The following OSBPL6 variants were observed in gnomAD, a reference collection of about 807,000 sequenced individuals.
OSBPL6 encodes oxysterol-binding protein-related protein 6.
OSBPL6 carries 49 observed loss-of-function variants against 125.8 expected under a neutral mutation model. The observed-to-expected ratio is 0.39, with a 90% CI of 0.31 to 0.49. The LOEUF (loss-of-function observed/expected upper bound fraction) is 0.49. OSBPL6 is among the 20% of genes least tolerant of loss of function. OSBPL6 has a pLI of 0.88. For missense variants in OSBPL6, 986 were observed against 1,135.4 expected (o/e 0.87, Z 1.89); for synonymous variants, 394 against 391.8 (o/e 1.01, Z -0.07).
chr2:178,351,562 T>A (rs1051105774), intron 12 of OSBPL6, among the ~76,000 whole-genome samples: 2 of 152,012 alleles, frequency 1.3e-5, no homozygotes, highest in African/African-American at 4.8e-5. Context: ...ATAAAAAAAA[T>A]TGGTGAAAGA....
intron 13 of OSBPL6, among the ~76,000 whole-genome samples, 188 bp downstream of exon 13, chr2:178,362,003 A>G (rs1184531741): frequency 2.6e-5 from 4 of 152,212 alleles, no homozygotes; most frequent in Non-Finnish European, 5.9e-5. Flanking sequence ...ATTTCAAGGT[A>G]AGAGTGAAAA....
chr2:178,318,974 C>T (rs1258657298), intron 3 of OSBPL6, among the ~76,000 whole-genome samples: 1 of 152,208 alleles, frequency 6.6e-6, no homozygotes, highest in Non-Finnish European at 1.5e-5. Context: ...TGGATGCCTA[C>T]CCTGTGACTT....
At chr2:178,358,529 G>C (rs1440048741) in intron 12 of OSBPL6, among the ~76,000 whole-genome samples, 1 of 152,088 alleles carries the variant, frequency 6.6e-6, no homozygotes, top group Non-Finnish European at 1.5e-5. Context: ...AAGATGCTAA[G>C]AAAACCAGAT....
At chr2:178,359,184 A>G (rs1692096048) in intron 12 of OSBPL6, among the ~76,000 whole-genome samples, 2 of 152,212 alleles carry the variant, frequency 1.3e-5, no homozygotes, top group South Asian at 4.1e-4. Flanking sequence ...TCATAAAAAA[A>G]TTAAATAAAT....
chr2:178,290,117 G>A (rs1256756501), intron 2 of OSBPL6, among the ~76,000 whole-genome samples: 1 of 152,106 alleles, frequency 6.6e-6, no homozygotes, highest in Non-Finnish European at 1.5e-5. Flanking sequence ...GTCATTAGGG[G>A]TTATAAAAAT....
At chr2:178,302,889 T>C (rs1686424006) in intron 2 of OSBPL6, among the ~76,000 whole-genome samples, 1 of 152,208 alleles carries the variant, frequency 6.6e-6, no homozygotes. Context: ...TGGATTTCAG[T>C]TTAATGAGTT....
At chr2:178,269,148 C>T (rs759109304) in intron 1 of OSBPL6, among the ~76,000 whole-genome samples, 13 of 152,246 alleles carry the variant, frequency 8.5e-5, no homozygotes, top group Middle Eastern at 3.4e-3. Context: ...ATAAAGGATA[C>T]AGTTGAGGAA....
At chr2:178,257,761 G>C (rs2091931014) in intron 1 of OSBPL6, among the ~76,000 whole-genome samples, 2 of 151,962 alleles carry the variant, frequency 1.3e-5, no homozygotes, top group South Asian at 4.1e-4. Context: ...ATGGTGGAGA[G>C]GGAACTAAAG....
At chr2:178,203,685 A>G (rs1005596168) in intron 1 of OSBPL6, among the ~76,000 whole-genome samples, 8 of 152,136 alleles carry the variant, frequency 5.3e-5, no homozygotes, top group African/African-American at 7.2e-5. Flanking sequence ...CATTCCTGTA[A>G]ATGTTCTTGA....
chr2:178,253,977 G>A (rs2091789976), intron 1 of OSBPL6, among the ~76,000 whole-genome samples: 1 of 152,194 alleles, frequency 6.6e-6, no homozygotes, highest in Admixed American at 6.5e-5. Context: ...AGCACATGCA[G>A]CTCCCTTGCT....
At chr2:178,259,314 T>C (rs1024978319) in intron 1 of OSBPL6, among the ~76,000 whole-genome samples, 2 of 152,180 alleles carry the variant, frequency 1.3e-5, no homozygotes, top group African/African-American at 2.4e-5. Flanking sequence ...CCGTTTGAGA[T>C]TGTGCTGACT....
Position 178,372,183 on chromosome 2 carries a change from ATTAT to A in OSBPL6, c.1348_1351del (p.Ile450ValfsTer7). 1 of 1,613,314 alleles carries A rather than the reference ATTAT, an allele frequency of 6.2e-7. No individual in the cohort carries two copies. Among genetic ancestry groups the A allele is most frequent in the South Asian group, 1.1e-5 (1 of 91,024 alleles). ...GTTGAACAGAATACATTCAGAGTCT[ATTAT>A]TTGTGATCAGGTTGTCAGTGTAAAT... On this transcript the variant is annotated frameshift_variant, in exon 14 of 25. Transcript: ENST00000190611. LOFTEE classifies it high-confidence loss of function.
At chr2:178,223,927 T>G (rs2090444660) in intron 1 of OSBPL6, among the ~76,000 whole-genome samples, 1 of 152,236 alleles carries the variant, frequency 6.6e-6, no homozygotes, top group Non-Finnish European at 1.5e-5. Flanking sequence ...AGTGTGACCT[T>G]CACATCAGGC....
At chr2:178,212,330 G>C (rs2153956951) in intron 1 of OSBPL6, among the ~76,000 whole-genome samples, 1 of 152,314 alleles carries the variant, frequency 6.6e-6, no homozygotes, top group African/African-American at 2.4e-5. Context: ...TAATTTGTGT[G>C]ATTCTTTTAG....
At chr2:178,347,932 G>A (rs553103920) in intron 11 of OSBPL6, among the ~76,000 whole-genome samples, 1 of 152,276 alleles carries the variant, frequency 6.6e-6, no homozygotes, top group South Asian at 2.1e-4. Context: ...TTCTTCCCCA[G>A]TAAGTCCTGG....
chr2:178,249,033 T>C (rs2091593155), intron 1 of OSBPL6, among the ~76,000 whole-genome samples: 1 of 152,072 alleles, frequency 6.6e-6, no homozygotes, highest in Admixed American at 6.6e-5. Context: ...ACCTCCCCGG[T>C]TCAAGTGATT....
intron 2 of OSBPL6, among the ~76,000 whole-genome samples, chr2:178,301,285 G>A (rs1686256447): frequency 6.6e-6 from 1 of 152,146 alleles, no homozygotes; most frequent in South Asian, 2.1e-4. Context: ...AGACTCTTTT[G>A]TGATAAATCT....
chr2:178,273,587 A>G lies in OSBPL6; in HGVS notation c.-350-11340A>G, dbSNP rs559281582. Among the ~76,000 whole-genome samples the G allele has an allele frequency of 6.6e-5, 10 of 152,326 alleles. No homozygotes were observed. In the South Asian group the frequency reaches 2.1e-3, roughly 32 times the overall value. On this transcript the variant is annotated intron_variant, in intron 1 of 24. Coordinates refer to ENST00000190611, the MANE Select transcript of OSBPL6 (RefSeq NM_032523.4). ...AAAGTGATACCCCGTCTCAAAAAAAAAGTAAACAAGTAAATTAAAAGTATT... is the reference window on the plus strand; with the variant it reads ...AAAGTGATACCCCGTCTCAAAAAAAGAGTAAACAAGTAAATTAAAAGTATT...
intron 1 of OSBPL6, among the ~76,000 whole-genome samples, chr2:178,205,848 A>T (rs763333536): frequency 6.6e-6 from 1 of 152,228 alleles, no homozygotes; most frequent in Admixed American, 6.5e-5. Flanking sequence ...CAGCACAGCT[A>T]AGTGTTTGAT....
Sources: gnomAD v4.1 joint callset for allele counts (sites outside exome capture counted in the v4.1 genomes callset) on GRCh38, gnomAD v4.1.1 for gene constraint, MANE v1.5 for transcripts, NCBI Gene and HGNC (gene_info 2026-07-23, HGNC 2026-07-21) for gene names.